GYPC: variants seen among roughly 807,000 people sequenced by gnomAD.
The protein encoded by GYPC is glycophorin C (Gerbich blood group), also known as glycophorin-C.
Under a neutral mutation model 12.6 loss-of-function variants are expected in GYPC, and 14 were observed. That is an observed-to-expected ratio of 1.11 (90% CI 0.74 to 1.74). The LOEUF is 1.74. GYPC is among the 40% of genes most tolerant of loss of function. GYPC has a pLI of 0.00. For missense variants in GYPC, 225 were observed against 172.1 expected, an observed-to-expected ratio of 1.31 and a Z score of -1.72; for synonymous variants, 78 against 62.1, an observed-to-expected ratio of 1.26 and a Z score of -1.20.
At chr2:126,659,049 T>C (rs192395377) in intron 1 of GYPC, among the ~76,000 whole-genome samples, 28 of 152,318 alleles carry the variant, frequency 1.8e-4, no homozygotes, top group African/African-American at 5.8e-4. Context: ...ACTACCCTCC[T>C]AAAGGTCACA....
intron 1 of GYPC, among the ~76,000 whole-genome samples, chr2:126,673,736 G>T (rs17741655): frequency 6.6e-6 from 1 of 152,016 alleles, no homozygotes; most frequent in Non-Finnish European, 1.5e-5. Flanking sequence ...GTGGACAAAT[G>T]GTTTCATGCT....
chr2:126,686,103 C>A (rs558116947), intron 1 of GYPC: 1 of 984,840 alleles, frequency 1.0e-6, no homozygotes, highest in Non-Finnish European at 1.2e-6. Context: ...GACCAGCCCA[C>A]GCAGGAAAAA....
chr2:126,689,882 A>G (rs1683402801), intron 1 of GYPC, among the ~76,000 whole-genome samples: 1 of 152,246 alleles, frequency 6.6e-6, no homozygotes, highest in South Asian at 2.1e-4. Context: ...TGAGCATCAG[A>G]CACTCCACAA....
chr2:126,674,573 C>T (rs999955572), intron 1 of GYPC, among the ~76,000 whole-genome samples: 11 of 152,158 alleles, frequency 7.2e-5, no homozygotes, highest in Admixed American at 2.0e-4. Flanking sequence ...CAGGATTTTG[C>T]GTGTGCTGAG....
rs1683640343 is a variant in GYPC, at chr2:126,696,206, C to T, written c.*64C>T. The T allele has an allele frequency of 1.7e-6, 2 of 1,161,378 alleles. No homozygotes were observed. The highest frequency in any genetic ancestry group is 1.3e-5 in the South Asian group (1 of 78,900). 71.9% of individuals were successfully genotyped at this position (1,161,378 alleles called of 1,614,324 possible). A position where few individuals can be genotyped will look rare whatever the true frequency, so the allele number is the denominator to read the frequency against. Reference sequence around the variant, plus strand: ...CTCCATCAGGAAAAATACACCCCATCGCCCAGCACCCCTGCTGATACCACC... The same window carrying T: ...CTCCATCAGGAAAAATACACCCCATTGCCCAGCACCCCTGCTGATACCACC... On this transcript the variant is annotated 3_prime_UTR_variant, in exon 4 of 4. Coordinates refer to ENST00000259254, the MANE Select transcript of GYPC (RefSeq NM_002101.5).
chr2:126,686,891 A>G (rs565472441), intron 1 of GYPC, among the ~76,000 whole-genome samples: 33 of 152,024 alleles, frequency 2.2e-4, no homozygotes, highest in Non-Finnish European at 3.7e-4. Flanking sequence ...GCTCAGCATG[A>G]TCCTAATCTC....
At chr2:126,678,214 TC>T (rs1416655797) in intron 1 of GYPC, 2 of 145,962 alleles carry the variant, frequency 1.4e-5, no homozygotes, top group African/African-American at 5.1e-5. Flanking sequence ...AGACCAAGAC[TC>T]CATCTCAAAA....
At chr2:126,663,422 A>T (rs997747466) in intron 1 of GYPC, among the ~76,000 whole-genome samples, 4 of 152,206 alleles carry the variant, frequency 2.6e-5, no homozygotes, top group African/African-American at 9.7e-5. Context: ...CACGCACGCC[A>T]GCTGTGTGAT....
chr2:126,677,978 T>C (rs978852165), intron 1 of GYPC, among the ~76,000 whole-genome samples: 3 of 152,188 alleles, frequency 2.0e-5, no homozygotes, highest in African/African-American at 7.2e-5. Flanking sequence ...TCCCAGCACT[T>C]TGGGAGGCCA....
chr2:126,693,685 C>T (rs1157170619), intron 2 of GYPC, among the ~76,000 whole-genome samples, 179 bp from the exon 3 acceptor site: 2 of 152,144 alleles, frequency 1.3e-5, no homozygotes, highest in Admixed American at 1.3e-4. Context: ...CCAAGCAGAA[C>T]CTGGTTCCTG....
chr2:126,691,563 C>A (rs1683466771), intron 2 of GYPC, among the ~76,000 whole-genome samples: 1 of 152,108 alleles, frequency 6.6e-6, no homozygotes, highest in Non-Finnish European at 1.5e-5. Context: ...AAACACAAAC[C>A]ACACAACCTG....
At chr2:126,693,546 C>T (rs1683538113) in intron 2 of GYPC, among the ~76,000 whole-genome samples, 1 of 152,214 alleles carries the variant, frequency 6.6e-6, no homozygotes, top group African/African-American at 2.4e-5. Context: ...CCTTCATACA[C>T]AGCACAGATA....
At position 126,696,319 on chromosome 2, in the gene GYPC, G is replaced by A. The variant is rs940292994; in HGVS notation, c.*177G>A. ...CCCAGGGAGGAACGGAGGAGGACTC[G>A]CGCTACAAGAGGCCACTCCCAGGGA... On this transcript the variant is annotated 3_prime_UTR_variant, in exon 4 of 4. Coordinates refer to ENST00000259254, the MANE Select transcript of GYPC (RefSeq NM_002101.5). 9.2e-5 allele frequency: 59 copies of A among 643,968 alleles called. No homozygotes were observed. The highest frequency in any genetic ancestry group is 3.5e-4 in the Middle Eastern group (1 of 2,860). 39.9% of individuals were successfully genotyped at this position (643,968 alleles called of 1,614,324 possible). A position where few individuals can be genotyped will look rare whatever the true frequency, so the allele number is the denominator to read the frequency against.
In GYPC at chr2:126,665,963, G is replaced by A. The variant is rs866358229; in HGVS notation, c.49+9651G>A. ...GACTCTGCAGCCTGCCCTGCTGGGA[G>A]GGGGCTGCCCATGACCCCTTGCCCT... On this transcript the variant is annotated intron_variant, in intron 1 of 3. Coordinates refer to ENST00000259254, the MANE Select transcript of GYPC (RefSeq NM_002101.5). Among the ~76,000 whole-genome samples the A allele has an allele frequency of 5.4e-4, 82 of 152,208 alleles. 1 individual carries two copies. The highest frequency in any genetic ancestry group is 3.2e-3 in the Middle Eastern group (1 of 316).
intron 1 of GYPC, among the ~76,000 whole-genome samples, chr2:126,661,443 TTCTC>T (rs202176736): frequency 6.6e-6 from 1 of 150,986 alleles, no homozygotes. Context: ...CAGATGCCCC[TTCTC>T]TCTCTCTCTT....
Position 126,690,241 on chromosome 2 carries a change from T to A in GYPC, c.50-14T>A. Reference sequence around the variant, plus strand: ...CTTCCTCTCTGACCTCAGATTCTTGTCCTCTGTTCACAGAGCCTGATCCGG... The same window carrying A: ...CTTCCTCTCTGACCTCAGATTCTTGACCTCTGTTCACAGAGCCTGATCCGG... On this transcript the variant is annotated splice_polypyrimidine_tract_variant and intron_variant, in intron 1 of 3. Transcript: ENST00000259254. 1 of 1,604,778 alleles carries A rather than the reference T, an allele frequency of 6.2e-7. No individual in the cohort carries two copies. The highest frequency in any genetic ancestry group is 1.1e-5 in the South Asian group (1 of 90,884).
intron 1 of GYPC, among the ~76,000 whole-genome samples, 185 bp from the exon 2 acceptor site, chr2:126,690,070 C>G (rs1299568488): frequency 6.6e-6 from 1 of 152,218 alleles, no homozygotes; most frequent in Non-Finnish European, 1.5e-5. Flanking sequence ...AGTGACCAAG[C>G]AGAACCTGGT....
intron 2 of GYPC, among the ~76,000 whole-genome samples, chr2:126,693,454 C>A (rs1300172416): frequency 6.6e-6 from 1 of 152,136 alleles, no homozygotes; most frequent in Non-Finnish European, 1.5e-5. Flanking sequence ...TCAGCTATAG[C>A]AACACAAAAT....
intron 1 of GYPC, among the ~76,000 whole-genome samples, chr2:126,666,468 A>G (rs911509138): frequency 2.0e-5 from 3 of 152,190 alleles, no homozygotes; most frequent in Non-Finnish European, 4.4e-5. Context: ...CCTCTTTTGC[A>G]GGTAAATAAA....
Sources: allele counts gnomAD v4.1 joint callset (sites outside exome capture counted in the v4.1 genomes callset), GRCh38; gene constraint gnomAD v4.1.1; transcripts MANE v1.5; gene names NCBI Gene and HGNC (gene_info 2026-07-23, HGNC 2026-07-21).